Variants in RIF1 observed in about 807,000 individuals in gnomAD.
RIF1 encodes the protein telomere-associated protein RIF1.
A neutral mutation model predicts 247.1 loss-of-function variants in RIF1; 45 were observed. That is an observed-to-expected ratio of 0.18 (90% CI 0.14 to 0.23). The LOEUF (loss-of-function observed/expected upper bound fraction) is 0.23. Ranked by LOEUF, RIF1 falls within the 10% of genes least tolerant of loss-of-function variation. RIF1 has a pLI of 1.00. For missense variants in RIF1, 2,967 were observed against 2,862.5 expected (o/e 1.04, Z -0.83); for synonymous variants, 1,087 against 978.8 (o/e 1.11, Z -2.06).
intron 34 of RIF1, among the ~76,000 whole-genome samples, chr2:151,471,729 ATC>A (rs1200868198): frequency 2.6e-5 from 4 of 152,036 alleles, no homozygotes; most frequent in African/African-American, 9.7e-5. Flanking sequence ...ATTGGCTTAT[ATC>A]TCTGTTTTGG....
rs1399174013 is a variant in RIF1 at position 151,463,904 on chromosome 2, G to A, written c.4384G>A (p.Val1462Met). 6 of 1,613,568 alleles carry A rather than the reference G, an allele frequency of 3.7e-6. No homozygotes were observed. The highest frequency in any genetic ancestry group is 2.2e-5 in the South Asian group (2 of 90,924). ...QKSPLHIKDD[V>M]LPKQKLIAEQ... ...GAGTCCATTGCATATAAAAGATGATGTGTTACCTAAACAAAAACTGATTGC... is the reference window on the plus strand; with the variant it reads ...GAGTCCATTGCATATAAAAGATGATATGTTACCTAAACAAAAACTGATTGC... The change falls in exon 30 of 36, where the codon GTG becomes ATG. Residue 1462 changes from valine (V) to methionine (M), a missense_variant. Coordinates refer to ENST00000444746, the MANE Select transcript of RIF1 (RefSeq NM_018151.5).
At chr2:151,420,007 TACAA>T (rs1055310857) in intron 6 of RIF1, among the ~76,000 whole-genome samples, 179 bp from the exon 7 acceptor site, 11 of 152,340 alleles carry the variant, frequency 7.2e-5, no homozygotes, top group African/African-American at 2.6e-4. Flanking sequence ...AAAAAAAATT[TACAA>T]AAGCAATAAT....
chr2:151,419,745 ATGTAT>A (rs2152145429), intron 6 of RIF1, among the ~76,000 whole-genome samples: 1 of 152,336 alleles, frequency 6.6e-6, no homozygotes, highest in East Asian at 1.9e-4. Flanking sequence ...AACATGAATA[ATGTAT>A]TGCACTGCAG....
intron 22 of RIF1, 73 bp downstream of exon 22, chr2:151,455,232 T>A (rs1308351115): frequency 2.6e-6 from 3 of 1,148,806 alleles, no homozygotes; most frequent in Non-Finnish European, 3.7e-6. Flanking sequence ...TTTTATTTTT[T>A]AATCAGCTGT....
chr2:151,488,815 C>A (rs1048283725), intron 9 of RIF1, among the ~76,000 whole-genome samples: 1 of 152,064 alleles, frequency 6.6e-6, no homozygotes, highest in East Asian at 1.9e-4. Context: ...AAATAACTTA[C>A]CCCTTTCTTG....
Position 151,462,961 on chromosome 2 carries a change from G to A in RIF1, c.3441G>A (p.Lys1147=). ...EDCGMAEHLE[K]SSLSNNECGS... ...GTGGTATGGCTGAACATCTTGAAAA[G>A]TCCTCCCTTTCGAATAATGAGTGTG... Residue 1147 remains lysine, a synonymous_variant, in exon 30 of 36, where the codon AAG becomes AAA. Coordinates refer to ENST00000444746, the MANE Select transcript of RIF1 (RefSeq NM_018151.5). The A allele has an allele frequency of 6.2e-7, 1 of 1,614,042 alleles. No homozygotes were observed. Among genetic ancestry groups the A allele is most frequent in the Non-Finnish European group, 8.5e-7 (1 of 1,179,952 alleles).
Position 151,464,622 on chromosome 2 carries a change from G to T in RIF1, c.5102G>T (p.Gly1701Val). The T allele has an allele frequency of 6.2e-7, 1 of 1,613,660 alleles. No homozygotes were observed. Among genetic ancestry groups the T allele is most frequent in the Non-Finnish European group, 8.5e-7 (1 of 1,179,774 alleles). Residue 1701 changes from glycine to valine, a missense_variant, in exon 30 of 36, where the codon GGG becomes GTG. This residue lies in a region of RIF1 where 2,028 missense variants were observed against 1,825.6 expected (regional missense o/e 1.11). Transcript: ENST00000444746. ...NCSLGESSKI[G>V]ISDISSLSEK... ...AGTTTGGGAGAATCCTCAAAAATAG[G>T]GATATCAGATATTTCTTCGCTTTCA...
chr2:151,498,239 T>C (rs1180866673), intron 10 of RIF1: 20 of 1,550,750 alleles, frequency 1.3e-5, no homozygotes, highest in Middle Eastern at 3.3e-4. Context: ...TGGCATTTTT[T>C]CCCCTTTCTT....
chr2:151,464,377 C>T lies in RIF1; in HGVS notation c.4857C>T (p.Cys1619=), dbSNP rs763558313. Residue 1619 remains cysteine, a synonymous_variant, in exon 30 of 36, where the codon TGC becomes TGT. Coordinates refer to ENST00000444746, the MANE Select transcript of RIF1 (RefSeq NM_018151.5). ...ATGTAAGCATAAAATCTCCGATTTG[C>T]GAAAAACAAGATGAAAGTAATACTG... The part of the protein sequence containing the change: ...EEDVSIKSPI[C]EKQDESNTVI... 74 of 1,608,834 alleles carry T rather than the reference C, an allele frequency of 4.6e-5. 1 individual carries two copies. The South Asian group carries it at 5.9e-4, about 13-fold the overall frequency.
chr2:151,491,692 T>A lies in RIF1; in HGVS notation c.*416-3537T>A, dbSNP rs147872436. Reference sequence around the variant, plus strand: ...TTTTCAGCTAACACACCATTAATCATGTGTAAGCTTCGGGACTGGATGTTG... The same window carrying A: ...TTTTCAGCTAACACACCATTAATCAAGTGTAAGCTTCGGGACTGGATGTTG... On this transcript the variant is annotated intron_variant and NMD_transcript_variant, in intron 9 of 13. Coordinates refer to the RIF1 transcript ENST00000454583. The A allele has an allele frequency of 1.3e-6, 2 of 1,590,714 alleles. No homozygotes were observed. The highest frequency in any genetic ancestry group is 1.3e-5 in the African/African-American group (1 of 74,668).
the RIF1 span, among the ~76,000 whole-genome samples, chr2:151,520,292 G>A: frequency 4.6e-5 from 7 of 152,062 alleles, no homozygotes; most frequent in African/African-American, 1.4e-4. Flanking sequence ...GCCAAAAATG[G>A]TATAACTCCT....
At chr2:151,498,719 G>A (rs2062077568) in intron 10 of RIF1, among the ~76,000 whole-genome samples, 1 of 152,100 alleles carries the variant, frequency 6.6e-6, no homozygotes, top group Admixed American at 6.5e-5. Context: ...TGAAAATGCT[G>A]TTAATCACAT....
rs754815353 is a variant in RIF1 at position 151,410,489 on chromosome 2, C to G, written c.66C>G (p.Ser22=). The G allele has an allele frequency of 1.9e-6, 3 of 1,614,074 alleles. No individual in the cohort carries two copies. The highest frequency in any genetic ancestry group is 2.2e-5 in the South Asian group (2 of 91,036). ...LLETLEDPSA[S]HGGQTDAYLT... ...AGACTTTGGAAGACCCTTCTGCCTC[C>G]CATGGAGGGCAGACTGACGCTTACC... The change falls in exon 2 of 36, where the codon TCC becomes TCG. Residue 22 remains serine, a synonymous_variant. Transcript: ENST00000444746.
In RIF1 at chr2:151,439,667, CAA is replaced by C. The variant is rs34523432; in HGVS notation, c.1547-344_1547-343del. ...CTGGGCAATAAGAGTGAAACTCCAT[CAA>C]AAAAAAAAAAAAAAAGTAAATACAC... On this transcript the variant is annotated intron_variant, in intron 14 of 35. Transcript: ENST00000444746. Among the ~76,000 whole-genome samples, 413 of 109,802 alleles carry C rather than the reference CAA, an allele frequency of 3.8e-3. 9 individuals are homozygous for C. The East Asian group carries it at 0.056, about 15-fold the overall frequency. The allele number at this position is 109,802 out of a possible 152,430, so 72.0% of individuals were successfully genotyped here. A position where few individuals can be genotyped will look rare whatever the true frequency, so the allele number is the denominator to read the frequency against.
intron 10 of RIF1, chr2:151,498,062 A>ATGTT (rs1157685394): frequency 7.6e-6 from 11 of 1,455,732 alleles, no homozygotes; most frequent in African/African-American, 2.9e-5. Context: ...TTTTTAAAAC[A>ATGTT]TGTTTGTTTG....
At chr2:151,524,651 AG>A in the RIF1 span, 1 of 387,402 alleles carries the variant, frequency 2.6e-6, no homozygotes, top group Non-Finnish European at 4.7e-6. Context: ...CTCAAGAGAG[AG>A]GCTTTTTTTT....
rs369626212 is a variant in RIF1, at chr2:151,433,187, C to T, written c.1036C>T (p.Leu346=). 9.3e-6 allele frequency: 15 copies of T among 1,613,238 alleles called. No individual in the cohort carries two copies. The highest frequency in any genetic ancestry group is 1.2e-5 in the Non-Finnish European group (14 of 1,179,380). The change falls in exon 10 of 36, where the codon CTG becomes TTG. Residue 346 remains leucine (L), a synonymous_variant. Transcript: ENST00000444746. ...AAAACTAGAAGTCTGGTGGTATTTACTGATGAGACTTGGACCTCATCTTCC... is the reference window on the plus strand; with the variant it reads ...AAAACTAGAAGTCTGGTGGTATTTATTGATGAGACTTGGACCTCATCTTCC... ...LTKLEVWWYL[L]MRLGPHLPAN... is the part of the protein sequence containing the mutation.
At position 151,465,608 on chromosome 2, in the gene RIF1, A is replaced by G. The variant is rs200973717; in HGVS notation, c.6088A>G (p.Met2030Val). 123 of 1,614,028 alleles carry G rather than the reference A, an allele frequency of 7.6e-5. 1 individual carries two copies. The highest frequency in any genetic ancestry group is 3.8e-4 in the East Asian group (17 of 44,874). The change falls in exon 30 of 36, where the codon ATG (methionine) becomes GTG (valine). Residue 2030 changes from methionine to valine, a missense_variant. This residue lies in a region of RIF1 where 2,028 missense variants were observed against 1,825.6 expected (regional missense o/e 1.11). Coordinates refer to ENST00000444746, the MANE Select transcript of RIF1 (RefSeq NM_018151.5). Reference protein sequence around the residue: ...NNEEMMIGEAMAETGHDGETE... With the variant: ...NNEEMMIGEAVAETGHDGETE... ...TGAAGAAATGATGATCGGCGAGGCA[A>G]TGGCTGAAACTGGCCATGATGGTGA...
intron 9 of RIF1, among the ~76,000 whole-genome samples, chr2:151,489,766 T>C (rs1483466508): frequency 6.6e-6 from 1 of 152,128 alleles, no homozygotes. Context: ...GGTTTTTTTT[T>C]TAAGTTATTG....
Sources: gnomAD v4.1 joint callset for allele counts (sites outside exome capture counted in the v4.1 genomes callset) on GRCh38, gnomAD v4.1.1 for gene constraint, gnomAD v4.1.1 regional missense constraint, MANE v1.5 for transcripts, NCBI Gene and HGNC (gene_info 2026-07-23, HGNC 2026-07-21) for gene names.